MAPK8: variants seen among roughly 807,000 people sequenced by gnomAD.
MAPK8 encodes the protein JUN N-terminal kinase.
A neutral mutation model predicts 52.9 loss-of-function variants in MAPK8; 13 were observed. The ratio of observed to expected loss-of-function variants is 0.25; its 90% CI spans 0.16 to 0.39. MAPK8 has a LOEUF of 0.39. Among genes scored for constraint, MAPK8 ranks in the 10% least tolerant of loss-of-function variants. The pLI, the probability that MAPK8 is intolerant of heterozygous loss-of-function variation, is 1.00. For synonymous variants in MAPK8, 191 were observed against 169.8 expected (o/e 1.12, Z -0.97); for missense variants, 300 against 519.2 (o/e 0.58, Z 4.10).
intron 5 of MAPK8, among the ~76,000 whole-genome samples, chr10:48,414,047 A>T (rs555093898): frequency 1.3e-5 from 2 of 151,366 alleles, no homozygotes; most frequent in South Asian, 2.1e-4. Context: ...CTCCACATCC[A>T]CTCATCTTTA....
In MAPK8 at chr10:48,401,592, T is replaced by C. The variant is rs1229871858; in HGVS notation, c.-49-20T>C. The C allele has an allele frequency of 6.5e-7, 1 of 1,549,950 alleles. No homozygotes were observed. The highest frequency in any genetic ancestry group is 1.1e-5 in the South Asian group (1 of 87,098). On this transcript the variant is annotated intron_variant, in intron 1 of 11. Coordinates refer to ENST00000374189, the MANE Select transcript of MAPK8 (RefSeq NM_001323329.2). The stretch of plus-strand genomic sequence containing the variant: ...AAACAAGTTCATTTTGTTAACATCA[T>C]GTTTTGTTGCATCTTGCAGCTTCTT...
chr10:48,312,346 C>T (rs1004088728), intron 1 of MAPK8, among the ~76,000 whole-genome samples: 1 of 152,144 alleles, frequency 6.6e-6, no homozygotes, highest in Admixed American at 6.5e-5. Context: ...TTCTCAATCT[C>T]CTCTGTATTG....
Position 48,438,064 on chromosome 10 carries a change from A to G in MAPK8, c.*3035A>G, listed in dbSNP as rs2044999410. On this transcript the variant is annotated 3_prime_UTR_variant, in exon 12 of 12. Coordinates refer to ENST00000374189, the MANE Select transcript of MAPK8 (RefSeq NM_001323329.2). ...CTTAACTATTCAGTGTTGCCTAGGCATTCGCCTGCACAACATTTTGAGGTT... is the reference window on the plus strand; with the variant it reads ...CTTAACTATTCAGTGTTGCCTAGGCGTTCGCCTGCACAACATTTTGAGGTT... The G allele has an allele frequency of 6.6e-6, 1 of 152,268 alleles. No individual in the cohort carries two copies. The highest frequency in any genetic ancestry group is 1.5e-5 in the Non-Finnish European group (1 of 68,054). 9.4% of individuals were successfully genotyped at this position (152,268 alleles called of 1,614,324 possible). A position where few individuals can be genotyped will look rare whatever the true frequency, so the allele number is the denominator to read the frequency against.
chr10:48,355,365 CG>C (rs1356356058), intron 1 of MAPK8, among the ~76,000 whole-genome samples: 2 of 151,888 alleles, frequency 1.3e-5, no homozygotes, highest in African/African-American at 4.8e-5. Context: ...AAAAATTAGC[CG>C]GGTGTAGTGG....
chr10:48,421,585 A>G (rs2043358166), intron 6 of MAPK8, among the ~76,000 whole-genome samples: 2 of 152,122 alleles, frequency 1.3e-5, no homozygotes, highest in East Asian at 3.9e-4. Flanking sequence ...CTCGTGGATC[A>G]CTCGAGGCTA....
At chr10:48,375,030 C>T (rs2040565328) in intron 1 of MAPK8, among the ~76,000 whole-genome samples, 1 of 152,072 alleles carries the variant, frequency 6.6e-6, no homozygotes, top group African/African-American at 2.4e-5. Context: ...CATCAAAAAG[C>T]TTATCCACCA....
intron 1 of MAPK8, among the ~76,000 whole-genome samples, chr10:48,328,015 TTTC>T (rs1409046401): frequency 6.6e-5 from 10 of 152,220 alleles, no homozygotes; most frequent in African/African-American, 2.4e-4. Flanking sequence ...CTTCTCTCTT[TTTC>T]TTCTTTTGTT....
chr10:48,439,330 AAAAG>A lies in MAPK8; in HGVS notation c.*4305_*4308del, dbSNP rs561985709. ...CAATTGGTTATAATATTTTAAATAA[AAAAG>A]AAAAAAGTGGTATGAAAATTATGAA... On this transcript the variant is annotated 3_prime_UTR_variant, in exon 12 of 12. Transcript: ENST00000374189. 133 of 150,828 alleles carry A rather than the reference AAAAG, an allele frequency of 8.8e-4. No individual in the cohort carries two copies. Among genetic ancestry groups the A allele is most frequent in the African/African-American group, 3.0e-3 (121 of 40,878 alleles). 9.3% of individuals were successfully genotyped at this position (150,828 alleles called of 1,614,324 possible).
chr10:48,378,050 C>T (rs890537894), intron 1 of MAPK8, among the ~76,000 whole-genome samples: 3 of 152,140 alleles, frequency 2.0e-5, no homozygotes, highest in African/African-American at 7.2e-5. Flanking sequence ...GGACTGATAA[C>T]TTAGGCCCAT....
intron 1 of MAPK8, among the ~76,000 whole-genome samples, chr10:48,320,211 CTTTTTTTTTTT>C (rs71026206): frequency 0.01 from 356 of 35,316 alleles, 5 homozygotes; most frequent in African/African-American, 0.028. Context: ...ACTGCTCGGC[CTTTTTTTTTTT>C]TTTTTTTTTT....
chr10:48,320,342 A>G lies in MAPK8; in HGVS notation c.-50+13521A>G, dbSNP rs552636303. 2.7e-5 allele frequency among the ~76,000 whole-genome samples: 4 copies of G among 148,930 alleles called. No individual in the cohort carries two copies. The East Asian group carries it at 6.0e-4, about 22-fold the overall frequency. ...AGGCTGAAACTCCTGGGCTGAAGCA[A>G]TCCTCCTGCCTCAGCCTCTTGAGTA... On this transcript the variant is annotated intron_variant, in intron 1 of 11. Coordinates refer to ENST00000374189, the MANE Select transcript of MAPK8 (RefSeq NM_001323329.2).
Position 48,439,184 on chromosome 10 carries a change from A to C in MAPK8, c.*4155A>C, listed in dbSNP as rs2045102163. 1 of 151,316 alleles carries C rather than the reference A, an allele frequency of 6.6e-6. No homozygotes were observed. 9.4% of individuals were successfully genotyped at this position (151,316 alleles called of 1,614,324 possible). A position where few individuals can be genotyped will look rare whatever the true frequency, so the allele number is the denominator to read the frequency against. The stretch of plus-strand genomic sequence containing the variant: ...TGTTCCGTTCCCTCTCCTTTCCTCT[A>C]GACAAAACAAAATGGGGCACTTTTT... On this transcript the variant is annotated 3_prime_UTR_variant, in exon 12 of 12. Coordinates refer to ENST00000374189, the MANE Select transcript of MAPK8 (RefSeq NM_001323329.2).
intron 3 of MAPK8, among the ~76,000 whole-genome samples, 155 bp downstream of exon 3, chr10:48,405,136 G>T (rs1052812837): frequency 2.1e-5 from 3 of 141,424 alleles, no homozygotes; most frequent in Admixed American, 7.0e-5. Flanking sequence ...TATCTACAGG[G>T]TGATTTTCCT....
chr10:48,310,463 AAGCT>A (rs925359978), intron 1 of MAPK8, among the ~76,000 whole-genome samples: 1 of 152,142 alleles, frequency 6.6e-6, no homozygotes, highest in African/African-American at 2.4e-5. Context: ...GCTTCACCAT[AAGCT>A]AGAGATTCTT....
intron 1 of MAPK8, among the ~76,000 whole-genome samples, chr10:48,393,872 AAAGT>A (rs1179991485): frequency 6.6e-6 from 1 of 152,026 alleles, no homozygotes; most frequent in South Asian, 2.1e-4. Context: ...ACATTAGAGA[AAAGT>A]AAGAGAAATT....
chr10:48,351,949 T>C (rs748714377), intron 1 of MAPK8, among the ~76,000 whole-genome samples: 1 of 152,198 alleles, frequency 6.6e-6, no homozygotes, highest in Non-Finnish European at 1.5e-5. Context: ...ATTTCGGATT[T>C]CAGATTATCA....
chr10:48,413,850 T>C (rs1378832336), intron 5 of MAPK8, among the ~76,000 whole-genome samples: 3 of 129,986 alleles, frequency 2.3e-5, no homozygotes, highest in South Asian at 2.4e-4. Flanking sequence ...TATATATATA[T>C]ATATATATAT....
At chr10:48,361,577 T>A (rs1847529067) in intron 1 of MAPK8, among the ~76,000 whole-genome samples, 2 of 152,212 alleles carry the variant, frequency 1.3e-5, no homozygotes, top group African/African-American at 4.8e-5. Flanking sequence ...ATTATAGCTA[T>A]CATCACTTTC....
At chr10:48,378,627 A>G (rs987658613) in intron 1 of MAPK8, among the ~76,000 whole-genome samples, 1 of 152,080 alleles carries the variant, frequency 6.6e-6, no homozygotes, top group African/African-American at 2.4e-5. Context: ...AAATAAGAAA[A>G]CTCAAAAACA....
Sources: allele counts gnomAD v4.1 joint callset (sites outside exome capture counted in the v4.1 genomes callset), GRCh38; gene constraint gnomAD v4.1.1; transcripts MANE v1.5; gene names NCBI Gene and HGNC (gene_info 2026-07-23, HGNC 2026-07-21).